Variants in UCHL1 observed in about 807,000 individuals in gnomAD.
UCHL1 encodes the protein ubiquitin C-terminal hydrolase L1.
UCHL1 carries 5 observed loss-of-function variants against 33.3 expected under a neutral mutation model. The observed-to-expected ratio is 0.15, with a 90% CI of 0.08 to 0.32. The LOEUF (loss-of-function observed/expected upper bound fraction) is 0.32. Among genes scored for constraint, UCHL1 ranks in the 10% least tolerant of loss-of-function variants. The pLI is 1.00. For synonymous variants in UCHL1, 132 were observed against 108.8 expected (o/e 1.21, Z -1.33); for missense variants, 236 against 280.0 (o/e 0.84, Z 1.12).
intron 2 of UCHL1, 160 bp downstream of exon 2, chr4:41,257,286 A>C (rs1580922599): frequency 8.3e-7 from 1 of 1,211,594 alleles, no homozygotes; most frequent in East Asian, 2.6e-5. Context: ...GGGCCCCTGC[A>C]TTTAGCGGGT....
At chr4:41,262,842 A>G (rs971720088) in intron 6 of UCHL1, among the ~76,000 whole-genome samples, 2 of 152,094 alleles carry the variant, frequency 1.3e-5, no homozygotes, top group Admixed American at 6.5e-5. Context: ...TTGTGAGCTC[A>G]AGTGATCTGC....
intron 3 of UCHL1, among the ~76,000 whole-genome samples, chr4:41,258,581 C>G (rs1378879442): frequency 6.6e-6 from 1 of 152,042 alleles, no homozygotes; most frequent in East Asian, 1.9e-4. Flanking sequence ...ATGGCATTGT[C>G]TTATCTCCTA....
In UCHL1 at chr4:41,264,109, G is replaced by T; in HGVS notation, c.533G>T (p.Arg178Leu). The change falls in exon 8 of 9, where the codon CGA (arginine) becomes CTA (leucine). Residue 178 changes from arginine to leucine, a missense_variant. Physicochemically the swap from Arg to Leu is moderately radical, Grantham distance 102. Coordinates refer to ENST00000284440, the MANE Select transcript of UCHL1 (RefSeq NM_004181.5). Reference sequence around the variant, plus strand: ...CCTGGCTTCTTTGTTACAGATGGACGAATGCCTTTTCCGGTGAACCATGGC... The same window carrying T: ...CCTGGCTTCTTTGTTACAGATGGACTAATGCCTTTTCCGGTGAACCATGGC... ...VDGHLYELDG[R>L]MPFPVNHGAS... 1 of 1,614,210 alleles carries T rather than the reference G, an allele frequency of 6.2e-7. No homozygotes were observed. Among genetic ancestry groups the T allele is most frequent in the Non-Finnish European group, 8.5e-7 (1 of 1,180,040 alleles).
At position 41,257,728 on chromosome 4, in the gene UCHL1, C is replaced by G. The variant is rs1187547422; in HGVS notation, c.165C>G (p.Leu55=). ...PACALLLLFP[L]TAQHENFRKK... is the part of the protein sequence containing the mutation. ...GCGCGCTGCTGCTGCTGTTTCCCCT[C>G]ACGGCCCAGGTAGGGCGTGGGGCCC... The change falls in exon 3 of 9, where the codon CTC becomes CTG. Residue 55 remains leucine (L), a synonymous_variant. Coordinates refer to ENST00000284440, the MANE Select transcript of UCHL1 (RefSeq NM_004181.5). 6.3e-7 allele frequency: 1 copy of G among 1,578,740 alleles called. No individual in the cohort carries two copies.
At position 41,261,911 on chromosome 4, in the gene UCHL1, A is replaced by G; in HGVS notation, c.447A>G (p.Glu149=). Residue 149 remains glutamate (E), a synonymous_variant, in exon 6 of 9, where the codon GAA becomes GAG. Transcript: ENST00000284440. The part of the protein sequence containing the change: ...IQAAHDAVAQ[E]GQCRVDDKVN... ...CAGCCCATGATGCCGTGGCACAGGA[A>G]GGCCAATGTCGGGTAAATGCAAATA... 1 of 1,614,152 alleles carries G rather than the reference A, an allele frequency of 6.2e-7. No homozygotes were observed. Among genetic ancestry groups the G allele is most frequent in the Non-Finnish European group, 8.5e-7 (1 of 1,180,030 alleles).
chr4:41,262,382 G>T (rs1055659139), intron 6 of UCHL1, among the ~76,000 whole-genome samples: 2 of 152,134 alleles, frequency 1.3e-5, no homozygotes, highest in Non-Finnish European at 2.9e-5. Context: ...AGAGGCAGAG[G>T]TTGCAGTGAG....
chr4:41,261,547 G>T (rs1301098383), intron 4 of UCHL1, among the ~76,000 whole-genome samples, 168 bp from the exon 5 acceptor site: 3 of 152,164 alleles, frequency 2.0e-5, no homozygotes, highest in Non-Finnish European at 2.9e-5. Flanking sequence ...TGAATAGAGA[G>T]GGGTTAGAAA....
Position 41,257,025 on chromosome 4 carries a change from AC to A in UCHL1, c.33+18del. 6.2e-7 allele frequency: 1 copy of A among 1,614,006 alleles called. No homozygotes were observed. Among genetic ancestry groups the A allele is most frequent in the Middle Eastern group, 1.7e-4 (1 of 5,916 alleles). ...CAACCCCGAGGTGAGCGCCAGGTGC[AC>A]CGCTACCCGGAGAGCGCGAGGCCGA... On this transcript the variant is annotated intron_variant, in intron 1 of 8. Transcript: ENST00000284440.
rs1781182356 is a variant in UCHL1 at position 41,268,030 on chromosome 4, G to A, written c.629G>A (p.Gly210Glu). 6.2e-7 allele frequency: 1 copy of A among 1,613,576 alleles called. No homozygotes were observed. Among genetic ancestry groups the A allele is most frequent in the South Asian group, 1.1e-5 (1 of 90,824 alleles). Residue 210 changes from glycine (G) to glutamate (E), a missense_variant, in exon 9 of 9, where the codon GGA becomes GAA. Physicochemically the swap from Gly to Glu is moderately conservative, Grantham distance 98. Transcript: ENST00000284440. ...VCREFTEREQ[G>E]EVRFSAVALC... ...AGAGAATTCACCGAGCGTGAGCAAGGAGAAGTCCGCTTCTCTGCCGTGGCT... is the reference window on the plus strand; with the variant it reads ...AGAGAATTCACCGAGCGTGAGCAAGAAGAAGTCCGCTTCTCTGCCGTGGCT...
At chr4:41,265,437 A>T (rs146601658) in intron 8 of UCHL1, among the ~76,000 whole-genome samples, 76 of 152,132 alleles carry the variant, frequency 5.0e-4, no homozygotes, top group South Asian at 6.2e-4. Context: ...AATTAGCCAG[A>T]CCTGGTGGTG....
chr4:41,257,307 A>T, intron 2 of UCHL1, 181 bp downstream of exon 2: 1 of 1,107,578 alleles, frequency 9.0e-7, no homozygotes, highest in South Asian at 1.6e-5. Context: ...GACTCTACGA[A>T]ACCGGTCACG....
In UCHL1 at chr4:41,261,872, G is replaced by T. The variant is rs765745344; in HGVS notation, c.412-4G>T. 6.2e-7 allele frequency: 1 copy of T among 1,613,814 alleles called. No individual in the cohort carries two copies. Among genetic ancestry groups the T allele is most frequent in the East Asian group, 2.2e-5 (1 of 44,870 alleles). ...TTGTGCTAATTATTTTCTTTTTTCC[G>T]CAGGCCATACAGGCAGCCCATGATG... On this transcript the variant is annotated splice_region_variant and splice_polypyrimidine_tract_variant and intron_variant, in intron 5 of 8. Coordinates refer to ENST00000284440, the MANE Select transcript of UCHL1 (RefSeq NM_004181.5).
At chr4:41,262,684 G>T (rs1472916030) in intron 6 of UCHL1, among the ~76,000 whole-genome samples, 1 of 150,892 alleles carries the variant, frequency 6.6e-6, no homozygotes, top group Non-Finnish European at 1.5e-5. Flanking sequence ...CTGGAATGCA[G>T]TGGTGTGATC....
In UCHL1 at chr4:41,257,164, C is replaced by G. The variant is rs375632179; in HGVS notation, c.45+38C>G. On this transcript the variant is annotated intron_variant, in intron 2 of 8. Transcript: ENST00000284440. ...TCGCGCCGTCTCTGGCCCCCTCCCC[C>G]GCGAGCGCCGAGGCGGGGGCGCCCA... The G allele has an allele frequency of 4.3e-6, 7 of 1,611,386 alleles. No homozygotes were observed. In the African/African-American group the frequency reaches 5.3e-5, roughly 12 times the overall value.
At chr4:41,262,071 G>C in intron 6 of UCHL1, 148 bp downstream of exon 6, 1 of 1,147,054 alleles carries the variant, frequency 8.7e-7, no homozygotes, top group Admixed American at 2.2e-5. Flanking sequence ...ATAATGCTTT[G>C]ACTAGACCTG....
intron 2 of UCHL1, chr4:41,257,358 A>G (rs1780994393): frequency 2.2e-6 from 2 of 920,646 alleles, no homozygotes; most frequent in Middle Eastern, 3.5e-4. Flanking sequence ...AGCGAGCGCC[A>G]GGCGGAGCTC....
intron 3 of UCHL1, 157 bp from the exon 4 acceptor site, chr4:41,260,490 C>G: frequency 1.1e-6 from 1 of 886,816 alleles, no homozygotes; most frequent in Non-Finnish European, 1.8e-6. Context: ...GGGAGGCAGA[C>G]AGACGGGCCC....
chr4:41,266,114 G>A (rs572434461), intron 8 of UCHL1, among the ~76,000 whole-genome samples: 1 of 152,126 alleles, frequency 6.6e-6, no homozygotes, highest in South Asian at 2.1e-4. Context: ...GGCGGGGAGG[G>A]ACTCACTATG....
chr4:41,256,953 A>G lies in UCHL1; in HGVS notation c.-24A>G, dbSNP rs11556271. 153,320 of 1,613,688 alleles carry G rather than the reference A, an allele frequency of 0.095. 8,016 individuals carry two copies. Among genetic ancestry groups the G allele is most frequent in the East Asian group, 0.15 (6,673 of 44,844 alleles). On this transcript the variant is annotated 5_prime_UTR_variant, in exon 1 of 9. Transcript: ENST00000284440. ...AGCTGTTTTTCGTCTTCCCTAGGCT[A>G]TTTCTGCCGGGCGCTCCGCGAAGAT...
Sources: allele counts gnomAD v4.1 joint callset (sites outside exome capture counted in the v4.1 genomes callset), GRCh38; gene constraint gnomAD v4.1.1; transcripts MANE v1.5; gene names NCBI Gene and HGNC (gene_info 2026-07-23, HGNC 2026-07-21).